The following FCHO1 variants were observed in gnomAD, a reference collection of about 807,000 sequenced individuals.
FCHO1 encodes the protein FCH and mu domain containing endocytic adaptor 1.
Under a neutral mutation model 114.4 loss-of-function variants are expected in FCHO1, and 45 were observed. That is an observed-to-expected ratio of 0.39 (90% CI 0.31 to 0.50). The LOEUF (loss-of-function observed/expected upper bound fraction) is 0.50, where lower values mean the gene tolerates loss of function less well. Among genes scored for constraint, FCHO1 ranks in the 20% least tolerant of loss-of-function variants. The pLI is 0.77. For synonymous variants in FCHO1, 480 were observed against 488.9 expected, an observed-to-expected ratio of 0.98 and a Z score of 0.24; for missense variants, 1,042 against 1,209.6, an observed-to-expected ratio of 0.86 and a Z score of 2.06.
At chr19:17,756,600 G>A (rs766104551) in intron 4 of FCHO1, among the ~76,000 whole-genome samples, 5 of 152,012 alleles carry the variant, frequency 3.3e-5, no homozygotes, top group Non-Finnish European at 5.9e-5. Flanking sequence ...TTGCCTGCCC[G>A]AACCTCTGTT....
rs1211048067 is a variant in FCHO1, at chr19:17,787,738, C to T, written c.2539C>T (p.Pro847Ser). The T allele has an allele frequency of 1.2e-5, 19 of 1,590,846 alleles. No individual in the cohort carries two copies. Among genetic ancestry groups the T allele is most frequent in the Middle Eastern group, 1.8e-4 (1 of 5,534 alleles). The change falls in exon 28 of 29, where the codon CCC becomes TCC. Residue 847 changes from proline to serine, a missense_variant. Coordinates refer to ENST00000596536, the MANE Select transcript of FCHO1 (RefSeq NM_015122.3). ...GCTCTCAGGGCCCAGCACACCCAGC[C>T]CCGTGGCTGCACAGTTCACCAGCGA... is the stretch of plus-strand genomic sequence containing the variant. ...EPLSGPSTPS[P>S]VAAQFTSEGT...
At position 17,788,145 on chromosome 19, in the gene FCHO1, C is replaced by T. The variant is rs1034865189; in HGVS notation, c.2648-139C>T. The T allele has an allele frequency of 5.1e-5, 39 of 764,730 alleles. No individual in the cohort carries two copies. In the African/African-American group the frequency reaches 6.4e-4, roughly 12 times the overall value. 47.4% of individuals were successfully genotyped at this position (764,730 alleles called of 1,614,324 possible). A position where few individuals can be genotyped will look rare whatever the true frequency, so the allele number is the denominator to read the frequency against. The stretch of plus-strand genomic sequence containing the variant: ...GCCCCCAACAAGGGGCTCCTGGGGC[C>T]CAGTGGCAACAGGGACTATGAGTTA... On this transcript the variant is annotated intron_variant, in intron 28 of 28. Transcript: ENST00000596536.
At chr19:17,773,518 A>C (rs2092081370) in intron 11 of FCHO1, among the ~76,000 whole-genome samples, 1 of 152,008 alleles carries the variant, frequency 6.6e-6, no homozygotes, top group Non-Finnish European at 1.5e-5. Flanking sequence ...CAGGCCCCAG[A>C]TCTGTTTTGT....
In FCHO1 at chr19:17,778,796, G is replaced by C. The variant is rs2092989039; in HGVS notation, c.1539G>C (p.Arg513Ser). The stretch of plus-strand genomic sequence containing the variant: ...GTAGGGCGCCACCCCCAGAGGCCAG[G>C]GGTATCCGGGCACCGCCTCTGCCAG... Reference protein sequence around the residue: ...PSCRAPPPEARGIRAPPLPDS... With the variant: ...PSCRAPPPEASGIRAPPLPDS... Residue 513 changes from arginine (R) to serine (S), a missense_variant, in exon 20 of 29, where the codon AGG becomes AGC. By Grantham distance (110) the Arg-to-Ser change is moderately radical. This residue lies in a region of FCHO1 where 455 missense variants were observed against 455.4 expected (regional missense o/e 1.00). Transcript: ENST00000596536. The C allele has an allele frequency of 1.3e-6, 2 of 1,541,648 alleles. No individual in the cohort carries two copies. The highest frequency in any genetic ancestry group is 1.4e-5 in the African/African-American group (1 of 73,522).
At chr19:17,765,908 A>G (rs1484311039) in intron 6 of FCHO1, among the ~76,000 whole-genome samples, 2 of 54,550 alleles carry the variant, frequency 3.7e-5, no homozygotes, top group African/African-American at 8.0e-5. Flanking sequence ...TTTTTTTTTG[A>G]GACAGAGTCT....
At chr19:17,752,669 C>T (rs1230576598) in intron 1 of FCHO1, among the ~76,000 whole-genome samples, 1 of 146,104 alleles carries the variant, frequency 6.8e-6, no homozygotes, top group Non-Finnish European at 1.5e-5. Flanking sequence ...GGGTCCCAGG[C>T]AGGAGGATGG....
chr19:17,762,035 G>T (rs899693754), intron 4 of FCHO1, among the ~76,000 whole-genome samples: 3 of 150,970 alleles, frequency 2.0e-5, no homozygotes, highest in African/African-American at 7.3e-5. Flanking sequence ...ACCCAGGCTG[G>T]AGTGCAGTGG....
At chr19:17,764,552 G>A (rs570311107) in intron 6 of FCHO1, 103 bp downstream of exon 6, 2 of 855,744 alleles carry the variant, frequency 2.3e-6, no homozygotes, top group South Asian at 3.5e-5. Flanking sequence ...CATCCACCTC[G>A]ATTATGGGGC....
chr19:17,781,453 C>T lies in FCHO1; in HGVS notation c.1742C>T (p.Ser581Phe). Reference protein sequence around the residue: ...CPLTRSNGDLSRSLSPSPLGS... With the variant: ...CPLTRSNGDLFRSLSPSPLGS... ...CAAGATTGTCTCTTTCCCTTCCAGT[C>T]TCGTTCCCTGAGCCCCTCCCCACTG... The change falls in exon 22 of 29, where the codon TCT (serine) becomes TTT (phenylalanine). Residue 581 changes from serine (S) to phenylalanine (F), a missense_variant and splice_region_variant. Physicochemically the swap from Ser to Phe is radical, Grantham distance 155. This residue lies in a region of FCHO1 where 455 missense variants were observed against 455.4 expected (regional missense o/e 1.00). Transcript: ENST00000596536. The T allele has an allele frequency of 1.2e-6, 2 of 1,614,086 alleles. No homozygotes were observed. Among genetic ancestry groups the T allele is most frequent in the Non-Finnish European group, 1.7e-6 (2 of 1,179,992 alleles).
Position 17,776,729 on chromosome 19 carries a change from C to T in FCHO1, c.1259+43C>T. On this transcript the variant is annotated intron_variant, in intron 18 of 28. Coordinates refer to ENST00000596536, the MANE Select transcript of FCHO1 (RefSeq NM_015122.3). The surrounding 1 kb of genome is among the most constrained non-coding windows in gnomAD (Gnocchi z 4.4). Reference sequence around the variant, plus strand: ...GGGCAGGTGGGGGCTGTCCCCACCTCCTCCCTCCACCTCCCCATGTCTCCG... The same window carrying T: ...GGGCAGGTGGGGGCTGTCCCCACCTTCTCCCTCCACCTCCCCATGTCTCCG... 1 of 1,527,366 alleles carries T rather than the reference C, an allele frequency of 6.5e-7. No homozygotes were observed. The highest frequency in any genetic ancestry group is 1.1e-5 in the South Asian group (1 of 89,074). The allele number at this position is 1,527,366 out of a possible 1,614,324, so 94.6% of individuals were successfully genotyped here.
intron 4 of FCHO1, among the ~76,000 whole-genome samples, chr19:17,760,493 T>C (rs968282505): frequency 1.9e-4 from 29 of 152,170 alleles, no homozygotes; most frequent in African/African-American, 4.1e-4. Flanking sequence ...CAATTTTCCA[T>C]TGAGAGTGGC....
rs551074524 is a variant in FCHO1, at chr19:17,769,448, C to CG, written c.337-975dup. 1.5e-4 allele frequency among the ~76,000 whole-genome samples: 23 copies of CG among 150,542 alleles called. No homozygotes were observed. In the East Asian group the frequency reaches 4.0e-3, roughly 26 times the overall value. On this transcript the variant is annotated intron_variant, in intron 7 of 28. Coordinates refer to ENST00000596536, the MANE Select transcript of FCHO1 (RefSeq NM_015122.3). Reference sequence around the variant, plus strand: ...AAGAAAAATTAGCCGGGCGTGGTGGCGGCGCCTGTAGTCTCAGCTACTCAG... The same window carrying CG: ...AAGAAAAATTAGCCGGGCGTGGTGGCGGGCGCCTGTAGTCTCAGCTACTCAG...
At chr19:17,782,130 C>T (rs1489058737) in intron 23 of FCHO1, among the ~76,000 whole-genome samples, 3 of 152,116 alleles carry the variant, frequency 2.0e-5, no homozygotes, top group Non-Finnish European at 2.9e-5. Flanking sequence ...CTGTCTCAGC[C>T]TCCCGAGTAG....
chr19:17,757,293 C>G lies in FCHO1; in HGVS notation c.27+2102C>G, dbSNP rs530237181. Among the ~76,000 whole-genome samples, 7 of 152,228 alleles carry G rather than the reference C, an allele frequency of 4.6e-5. No homozygotes were observed. In the East Asian group the frequency reaches 9.6e-4, roughly 21 times the overall value. On this transcript the variant is annotated intron_variant, in intron 4 of 28. Transcript: ENST00000596536. ...ACCTGAGACAGCCCCTCCTAGGACC[C>G]TCGGCTGCCAGCCCAGTCCAAGAGA...
chr19:17,773,901 CTCTT>C (rs773046304), intron 11 of FCHO1, among the ~76,000 whole-genome samples: 23 of 76,664 alleles, frequency 3.0e-4, no homozygotes, highest in East Asian at 1.0e-3. Flanking sequence ...CTCTCTCTCT[CTCTT>C]TTTTTTTTTT....
At chr19:17,760,789 A>T (rs1599581652) in intron 4 of FCHO1, among the ~76,000 whole-genome samples, 1 of 152,134 alleles carries the variant, frequency 6.6e-6, no homozygotes, top group African/African-American at 2.4e-5. Context: ...AGCTGGGATT[A>T]CAGGCACCTG....
intron 6 of FCHO1, among the ~76,000 whole-genome samples, chr19:17,766,020 C>T (rs2146733374): frequency 6.8e-6 from 1 of 148,122 alleles, no homozygotes; most frequent in Non-Finnish European, 1.5e-5. Flanking sequence ...TCCCGAGTAG[C>T]TGGGACTACA....
chr19:17,778,275 G>A lies in FCHO1; in HGVS notation c.1351+47G>A, dbSNP rs2092904157. 6 of 1,484,044 alleles carry A rather than the reference G, an allele frequency of 4.0e-6. No individual in the cohort carries two copies. The East Asian group carries it at 1.4e-4, about 34-fold the overall frequency. The allele number at this position is 1,484,044 out of a possible 1,614,324, so 91.9% of individuals were successfully genotyped here. On this transcript the variant is annotated intron_variant, in intron 19 of 28. Transcript: ENST00000596536. ...AGGGCATGGGTGTGGCCGGAGGGAG[G>A]TTGGGTGGGGCCATTGCAGAGTTAG...
intron 20 of FCHO1, among the ~76,000 whole-genome samples, chr19:17,780,691 T>C (rs1599756262): frequency 6.8e-6 from 1 of 146,254 alleles, no homozygotes; most frequent in Non-Finnish European, 1.5e-5. Context: ...GAAAGTCGGG[T>C]AGAGCGGGGA....
Sources: allele counts gnomAD v4.1 joint callset (sites outside exome capture counted in the v4.1 genomes callset), GRCh38; gene constraint gnomAD v4.1.1; regional missense constraint gnomAD v4.1.1; non-coding constraint Gnocchi (gnomAD v3.1); transcripts MANE v1.5; gene names NCBI Gene and HGNC (gene_info 2026-07-23, HGNC 2026-07-21).